The following SVIL variants were observed in gnomAD, a reference collection of about 807,000 sequenced individuals.
SVIL encodes supervillin.
A neutral mutation model predicts 240.4 loss-of-function variants in SVIL; 101 were observed. The ratio of observed to expected loss-of-function variants is 0.42; its 90% CI spans 0.36 to 0.50. The LOEUF is 0.50. Among genes scored for constraint, SVIL ranks in the 20% least tolerant of loss-of-function variants. The pLI, the probability that SVIL is intolerant of heterozygous loss-of-function variation, is 0.01. For missense variants in SVIL, 2,512 were observed against 2,818.7 expected, an observed-to-expected ratio of 0.89 and a Z score of 2.46; for synonymous variants, 999 against 1,100.0, an observed-to-expected ratio of 0.91 and a Z score of 1.82.
intron 1 of SVIL, among the ~76,000 whole-genome samples, chr10:29,696,910 C>T (rs1185453262): frequency 6.8e-6 from 1 of 148,026 alleles, no homozygotes; most frequent in Non-Finnish European, 1.5e-5. Context: ...TGAGGAGTCC[C>T]TCTGCCCAGC....
intron 2 of SVIL, among the ~76,000 whole-genome samples, chr10:29,666,129 G>T (rs566844442): frequency 6.6e-6 from 1 of 152,202 alleles, no homozygotes; most frequent in Admixed American, 6.5e-5. Context: ...TGTGGCCCAG[G>T]CTGGTCTCAA....
intron 5 of SVIL, 29 bp from the exon 6 acceptor site, chr10:29,551,292 G>T: frequency 6.5e-7 from 1 of 1,542,782 alleles, no homozygotes. Flanking sequence ...GATGAGAGGT[G>T]CAGATTTCAA....
At chr10:29,547,488 G>A (rs1033610316) in intron 6 of SVIL, among the ~76,000 whole-genome samples, 1 of 152,076 alleles carries the variant, frequency 6.6e-6, no homozygotes, top group African/African-American at 2.4e-5. Flanking sequence ...TGAGGCTAAG[G>A]CTTGGCTTAT....
chr10:29,526,368 G>A (rs1950915666), intron 13 of SVIL, among the ~76,000 whole-genome samples: 2 of 136,104 alleles, frequency 1.5e-5, no homozygotes, highest in South Asian at 2.3e-4. Flanking sequence ...GCAGTGGCAC[G>A]ATCTTGACTC....
At chr10:29,530,524 G>T in intron 11 of SVIL, 83 bp downstream of exon 11, 2 of 1,504,928 alleles carry the variant, frequency 1.3e-6, no homozygotes, top group South Asian at 1.1e-5. Flanking sequence ...GGCCTCAAGT[G>T]ATTCTCCTGC....
At chr10:29,578,483 T>C (rs1433869515) in intron 1 of SVIL, among the ~76,000 whole-genome samples, 1 of 152,234 alleles carries the variant, frequency 6.6e-6, no homozygotes, top group Non-Finnish European at 1.5e-5. Context: ...TTGGTCTAGA[T>C]GGTCACCAAG....
intron 5 of SVIL, among the ~76,000 whole-genome samples, chr10:29,551,909 G>A (rs1328896020): frequency 6.6e-6 from 1 of 151,996 alleles, no homozygotes; most frequent in Admixed American, 6.6e-5. Flanking sequence ...CCAGGAGTTC[G>A]AGACCAGCCT....
intron 3 of SVIL, among the ~76,000 whole-genome samples, chr10:29,653,072 C>A (rs1958890500): frequency 6.7e-6 from 1 of 150,362 alleles, no homozygotes; most frequent in Non-Finnish European, 1.5e-5. Flanking sequence ...CTCAAACAAT[C>A]CTCTGCTTTG....
chr10:29,565,797 G>T (rs562081444), intron 2 of SVIL, among the ~76,000 whole-genome samples: 6 of 152,222 alleles, frequency 3.9e-5, no homozygotes, highest in Admixed American at 3.3e-4. Context: ...GGAGGCTGAG[G>T]TGGCAGGATC....
intron 1 of SVIL, among the ~76,000 whole-genome samples, chr10:29,595,408 C>T (rs539484059): frequency 6.6e-6 from 1 of 152,198 alleles, no homozygotes; most frequent in East Asian, 1.9e-4. Context: ...TGAGGACAGG[C>T]GATGGTGGGC....
At chr10:29,728,720 A>C (rs1964431278) in intron 1 of SVIL, among the ~76,000 whole-genome samples, 1 of 152,210 alleles carries the variant, frequency 6.6e-6, no homozygotes, top group East Asian at 1.9e-4. Context: ...AGCTAGCAGC[A>C]TGGAGGAGCT....
intron 1 of SVIL, among the ~76,000 whole-genome samples, chr10:29,732,762 A>G (rs1224472934): frequency 1.3e-5 from 2 of 152,240 alleles, no homozygotes; most frequent in Admixed American, 1.3e-4. Context: ...CCATTTTCAC[A>G]GAAGCAGATA....
rs1043479152 is a variant in SVIL at position 29,687,522 on chromosome 10, G to A, written c.-399-871C>T. On this transcript the variant is annotated intron_variant, in intron 1 of 35. Transcript: ENST00000375400. ...GCCTTGCCAACATGGCAAAACCCCC[G>A]TCTCTACCAAAAATACAAAAATTAG... 4.6e-5 allele frequency among the ~76,000 whole-genome samples: 7 copies of A among 152,228 alleles called. No individual in the cohort carries two copies. The East Asian group carries it at 5.8e-4, about 13-fold the overall frequency.
rs541236983 is a variant in SVIL, at chr10:29,644,669, TGAAA to T, written c.-201+13296_-201+13299del. ...CTGGGCGGCAGAGCAAGATTCCACCTGAAAGAAAGAAAGAAAGAAAGAGGGAAAG... is the reference window on the plus strand; with the variant it reads ...CTGGGCGGCAGAGCAAGATTCCACCTGAAAGAAAGAAAGAAAGAGGGAAAG... On this transcript the variant is annotated intron_variant, in intron 3 of 35. Coordinates refer to the SVIL transcript ENST00000375400. Among the ~76,000 whole-genome samples the T allele has an allele frequency of 2.3e-4, 35 of 151,990 alleles. 1 individual carries two copies. The East Asian group carries it at 3.3e-3, about 14-fold the overall frequency.
rs183048229 is a variant in SVIL, at chr10:29,620,807, T to C, written c.-201+13613A>G. On this transcript the variant is annotated intron_variant, in intron 1 of 37. Transcript: ENST00000355867. Reference sequence around the variant, plus strand: ...CTATTTTTTGTATTTTTAGCAGAGATGGGGTTTCACCATGTTGGCCAGGCC... The same window carrying C: ...CTATTTTTTGTATTTTTAGCAGAGACGGGGTTTCACCATGTTGGCCAGGCC... Among the ~76,000 whole-genome samples the C allele has an allele frequency of 6.1e-3, 926 of 152,184 alleles. 6 individuals carry two copies. The highest frequency in any genetic ancestry group is 9.8e-3 in the Non-Finnish European group (666 of 67,986).
At chr10:29,513,445 A>G (rs1440353966) in intron 16 of SVIL, among the ~76,000 whole-genome samples, 4 of 152,152 alleles carry the variant, frequency 2.6e-5, no homozygotes, top group South Asian at 4.1e-4. Flanking sequence ...CTGAGGCACA[A>G]GAATCGCTTG....
chr10:29,705,947 T>C (rs895270804), intron 1 of SVIL, among the ~76,000 whole-genome samples: 1 of 152,352 alleles, frequency 6.6e-6, no homozygotes, highest in South Asian at 2.1e-4. Flanking sequence ...GCAATGAACA[T>C]ATGTGTGCAT....
At chr10:29,674,924 C>T (rs1221494556) in intron 2 of SVIL, among the ~76,000 whole-genome samples, 1 of 152,214 alleles carries the variant, frequency 6.6e-6, no homozygotes, top group South Asian at 2.1e-4. Flanking sequence ...TCCTGACTTC[C>T]TTCTTCACTT....
At chr10:29,545,330 C>T (rs4590758) in intron 6 of SVIL, among the ~76,000 whole-genome samples, 51,329 of 151,726 alleles carry the variant, frequency 0.34, 8,740 homozygotes, top group South Asian at 0.41. Flanking sequence ...TTTCCTGAGC[C>T]GATCGGCGGC....
Sources: allele counts gnomAD v4.1 joint callset (sites outside exome capture counted in the v4.1 genomes callset), GRCh38; gene constraint gnomAD v4.1.1; transcripts MANE v1.5; gene names NCBI Gene and HGNC (gene_info 2026-07-23, HGNC 2026-07-21).